MAN2B2: variants seen among roughly 807,000 people sequenced by gnomAD.
MAN2B2 encodes the protein epididymis-specific alpha-mannosidase.
A neutral mutation model predicts 117.1 loss-of-function variants in MAN2B2; 106 were observed. That is an observed-to-expected ratio of 0.90 (90% confidence interval 0.77 to 1.06). The LOEUF is 1.06. Ranked by LOEUF, MAN2B2 falls within the 50% of genes least tolerant of loss-of-function variation. The pLI is 0.00. For missense variants in MAN2B2, 1,326 were observed against 1,381.4 expected (o/e 0.96, Z 0.64); for synonymous variants, 544 against 595.1 (o/e 0.91, Z 1.25).
Position 6,576,655 on chromosome 4 carries a change from C to T in MAN2B2, c.216C>T (p.Phe72=). Residue 72 remains phenylalanine, a synonymous_variant, in exon 2 of 19, where the codon TTC becomes TTT. Coordinates refer to ENST00000285599, the MANE Select transcript of MAN2B2 (RefSeq NM_015274.3). ...EELARGQQRR[F]IAVEQEFFRL... ...TGGCCCGCGGCCAGCAGCGCCGGTT[C>T]ATCGCTGTGGAGCAGGAGTTTTTCC... 1 of 1,614,000 alleles carries T rather than the reference C, an allele frequency of 6.2e-7. No homozygotes were observed. The highest frequency in any genetic ancestry group is 8.5e-7 in the Non-Finnish European group (1 of 1,180,022).
chr4:6,593,213 CCTCCCCAAG>C lies in MAN2B2; in HGVS notation c.722_730del (p.Pro241_Asp244delinsHis). 1.9e-6 allele frequency: 3 copies of C among 1,613,856 alleles called. No homozygotes were observed. Among genetic ancestry groups the C allele is most frequent in the Non-Finnish European group, 2.5e-6 (3 of 1,179,868 alleles). ...GAATGGCGTGGCTGTCTTCCCCAAGCCTCCCCAAGATGGGGTGTACCCCAACATGAGTGA... is the reference window on the plus strand; with the variant it reads ...GAATGGCGTGGCTGTCTTCCCCAAGCATGGGGTGTACCCCAACATGAGTGA... On this transcript the variant is annotated inframe_deletion, in exon 6 of 19. Transcript: ENST00000285599.
At chr4:6,581,266 G>C (rs536824849) in intron 3 of MAN2B2, among the ~76,000 whole-genome samples, 1 of 152,280 alleles carries the variant, frequency 6.6e-6, no homozygotes, top group Non-Finnish European at 1.5e-5. Flanking sequence ...CTCACTGGCG[G>C]CTGAGCCAAG....
rs183457881 is a variant in MAN2B2 at position 6,614,085 on chromosome 4, G to A, written c.2564-133G>A. On this transcript the variant is annotated intron_variant, in intron 15 of 18. Transcript: ENST00000285599. ...GAGCACAAACACTTTGGGCTGGTGC[G>A]GGGTAGGCTACCCACAAGGATGCAT... The A allele has an allele frequency of 8.1e-5, 90 of 1,116,420 alleles. No individual in the cohort carries two copies. The African/African-American group carries it at 1.1e-3, about 14-fold the overall frequency. The allele number at this position is 1,116,420 out of a possible 1,614,324, so 69.2% of individuals were successfully genotyped here.
chr4:6,598,282 G>C lies in MAN2B2; in HGVS notation c.1333G>C (p.Gly445Arg), dbSNP rs1727185606. 2 of 1,613,534 alleles carry C rather than the reference G, an allele frequency of 1.2e-6. No homozygotes were observed. Among genetic ancestry groups the C allele is most frequent in the African/African-American group, 1.3e-5 (1 of 74,938 alleles). ...AACGCACCTGGCCTCGGGGATGCTG[G>C]GCATGCGCAAGCTGATGGCCTCCAT... The part of the protein sequence containing the change: ...YATHLASGML[G>R]MRKLMASIVL... Residue 445 changes from glycine (G) to arginine (R), a missense_variant, in exon 9 of 19, where the codon GGC (glycine) becomes CGC (arginine). Physicochemically the swap from Gly to Arg is moderately radical, Grantham distance 125. Coordinates refer to ENST00000285599, the MANE Select transcript of MAN2B2 (RefSeq NM_015274.3).
intron 5 of MAN2B2, among the ~76,000 whole-genome samples, chr4:6,589,725 TC>T (rs1392572512): frequency 1.3e-5 from 2 of 152,152 alleles, no homozygotes; most frequent in East Asian, 3.9e-4. Flanking sequence ...TGACTCCAGT[TC>T]TGTGTGACTC....
At chr4:6,578,143 TAATAA>T (rs1320675433) in intron 2 of MAN2B2, among the ~76,000 whole-genome samples, 4 of 152,218 alleles carry the variant, frequency 2.6e-5, no homozygotes, top group African/African-American at 9.7e-5. Flanking sequence ...TAGAATTAGT[TAATAA>T]AATAAGATTT....
At chr4:6,579,728 C>T (rs1726356731) in intron 3 of MAN2B2, among the ~76,000 whole-genome samples, 1 of 152,176 alleles carries the variant, frequency 6.6e-6, no homozygotes, top group South Asian at 2.1e-4. Context: ...ACCATCCCCT[C>T]CACAATCATC....
intron 17 of MAN2B2, chr4:6,619,167 T>C (rs1358713945): frequency 1.3e-5 from 2 of 152,192 alleles, no homozygotes; most frequent in African/African-American, 4.8e-5. Context: ...ACAAAACACC[T>C]AACAGATGTG....
chr4:6,592,310 T>C (rs1726889819), intron 5 of MAN2B2, among the ~76,000 whole-genome samples: 1 of 152,186 alleles, frequency 6.6e-6, no homozygotes, highest in Non-Finnish European at 1.5e-5. Context: ...CTCCACATTC[T>C]ACCAGGGAGC....
chr4:6,600,719 G>A lies in MAN2B2; in HGVS notation c.1502G>A (p.Arg501His), dbSNP rs146371436. 163 of 1,613,916 alleles carry A rather than the reference G, an allele frequency of 1.0e-4. No homozygotes were observed. The highest frequency in any genetic ancestry group is 1.3e-4 in the Non-Finnish European group (149 of 1,180,036). ...VTLTVGFPGV[R>H]VTDEAGHPVP... is the part of the protein sequence containing the mutation. ...CTGACTGTTGGTTTCCCTGGAGTCC[G>A]CGTCACAGATGAGGCGGGCCACCCA... The change falls in exon 10 of 19, where the codon CGC (arginine) becomes CAC (histidine). Residue 501 changes from arginine to histidine, a missense_variant. By Grantham distance (29) the Arg-to-His change is conservative (BLOSUM62 0). Coordinates refer to ENST00000285599, the MANE Select transcript of MAN2B2 (RefSeq NM_015274.3).
chr4:6,583,655 GAA>G (rs1726528372), intron 3 of MAN2B2, among the ~76,000 whole-genome samples: 1 of 152,174 alleles, frequency 6.6e-6, no homozygotes, highest in Non-Finnish European at 1.5e-5. Flanking sequence ...GCATAAGGCA[GAA>G]AAAGAGACTG....
At chr4:6,613,233 G>C (rs1415898515) in intron 15 of MAN2B2, among the ~76,000 whole-genome samples, 1 of 152,160 alleles carries the variant, frequency 6.6e-6, no homozygotes, top group African/African-American at 2.4e-5. Flanking sequence ...GGTGCCTTCT[G>C]AGCAGAGAGA....
chr4:6,616,040 G>GCAATCC (rs1711845415), intron 16 of MAN2B2, among the ~76,000 whole-genome samples: 1 of 152,108 alleles, frequency 6.6e-6, no homozygotes, highest in South Asian at 2.1e-4. Flanking sequence ...CTGACAGCAG[G>GCAATCC]CAATCCGCCC....
chr4:6,605,511 G>T (rs951194093), intron 11 of MAN2B2, among the ~76,000 whole-genome samples, 182 bp downstream of exon 11: 1 of 152,058 alleles, frequency 6.6e-6, no homozygotes, highest in Non-Finnish European at 1.5e-5. Flanking sequence ...TGCAGGAAAG[G>T]CTTTCTTATA....
At chr4:6,576,047 C>T (rs575588114) in intron 1 of MAN2B2, among the ~76,000 whole-genome samples, 1 of 152,284 alleles carries the variant, frequency 6.6e-6, no homozygotes, top group East Asian at 1.9e-4. Flanking sequence ...CCTCGGGACT[C>T]GGATGGGAAC....
At chr4:6,617,255 C>A in intron 16 of MAN2B2, 125 bp from the exon 17 acceptor site, 1 of 695,608 alleles carries the variant, frequency 1.4e-6, no homozygotes, top group Non-Finnish European at 2.5e-6. Flanking sequence ...GGGACACAGC[C>A]AAACCATATC....
At chr4:6,589,340 A>G (rs1726771826) in intron 5 of MAN2B2, among the ~76,000 whole-genome samples, 180 bp downstream of exon 5, 1 of 152,178 alleles carries the variant, frequency 6.6e-6, no homozygotes, top group African/African-American at 2.4e-5. Flanking sequence ...TCCTGGGTTC[A>G]AGCGATTCTT....
At chr4:6,613,746 C>T (rs776687424) in intron 15 of MAN2B2, among the ~76,000 whole-genome samples, 23 of 69,848 alleles carry the variant, frequency 3.3e-4, no homozygotes, top group African/African-American at 1.1e-3. Context: ...AGGGAGGGGA[C>T]GGGAGGGAAA....
At chr4:6,617,131 A>G (rs930851863) in intron 16 of MAN2B2, among the ~76,000 whole-genome samples, 10 of 152,214 alleles carry the variant, frequency 6.6e-5, no homozygotes, top group East Asian at 1.9e-4. Context: ...CTTATTCACT[A>G]TCACAAGAAC....
Sources: allele counts gnomAD v4.1 joint callset (sites outside exome capture counted in the v4.1 genomes callset), GRCh38; gene constraint gnomAD v4.1.1; transcripts MANE v1.5; gene names NCBI Gene and HGNC (gene_info 2026-07-23, HGNC 2026-07-21).